Variants in LINGO1 observed in about 807,000 individuals in gnomAD.
LINGO1 encodes leucine-rich repeat and immunoglobulin-like domain-containing nogo receptor-interacting protein 1.
A neutral mutation model predicts 37.3 loss-of-function variants in LINGO1; 11 were observed. The ratio of observed to expected loss-of-function variants is 0.29; its 90% CI spans 0.19 to 0.49. The LOEUF is 0.49. Ranked by LOEUF, LINGO1 falls within the 20% of genes least tolerant of loss-of-function variation. The pLI, the probability that LINGO1 is intolerant of heterozygous loss-of-function variation, is 0.99. For missense variants in LINGO1, 585 were observed against 878.2 expected (o/e 0.67, Z 4.22); for synonymous variants, 387 against 403.0 (o/e 0.96, Z 0.48).
chr15:77,772,342 G>T (rs2076593992), intron 1 of LINGO1, among the ~76,000 whole-genome samples: 1 of 152,234 alleles, frequency 6.6e-6, no homozygotes, highest in Non-Finnish European at 1.5e-5. Context: ...AGGGCAATTT[G>T]GGGCAAGTCT....
intron 2 of LINGO1, among the ~76,000 whole-genome samples, chr15:77,687,273 CAG>C (rs2075527850): frequency 1.3e-5 from 2 of 152,108 alleles, no homozygotes; most frequent in Admixed American, 6.5e-5. Context: ...CAACTGAGGT[CAG>C]GGCTCATTGT....
At chr15:77,635,806 T>C (rs1297033059), upstream of LINGO1, among the ~76,000 whole-genome samples, 2 of 152,242 alleles carry the variant, frequency 1.3e-5, no homozygotes, top group African/African-American at 4.8e-5. Context: ...AGAGCAGATC[T>C]GAGACTGCGT....
In LINGO1 at chr15:77,632,619, C is replaced by A; in HGVS notation, c.-304G>T. The A allele has an allele frequency of 6.7e-6, 1 of 149,030 alleles. No homozygotes were observed. Among genetic ancestry groups the A allele is most frequent in the South Asian group, 1.9e-4 (1 of 5,232 alleles). 9.2% of individuals were successfully genotyped at this position (149,030 alleles called of 1,614,324 possible). On this transcript the variant is annotated 5_prime_UTR_variant, in exon 1 of 2. Transcript: ENST00000355300. This position sits in a 1 kb window ranked among gnomAD's most constrained non-coding sequence, Gnocchi z 6.0. ...GGGGCTGCGCGAGCCTGCTTCTGCC[C>A]CCTGGGCCGGCCCGGAGCCGCCGCC...
intron 3 of LINGO1, among the ~76,000 whole-genome samples, chr15:77,653,819 T>C (rs2074813904): frequency 6.7e-6 from 1 of 150,158 alleles, no homozygotes; most frequent in East Asian, 2.0e-4. Flanking sequence ...GGAGCTGGGG[T>C]GGAGGGGAAA....
rs532797363 is a variant in LINGO1, at chr15:77,716,743, G to C, written c.-195+18249C>G. ...ACTGTCCACCTCCACTACCAAGTCT[G>C]TCCTAGATGTCAGCATTTCAAACCT... On this transcript the variant is annotated intron_variant, in intron 2 of 3. Coordinates refer to the LINGO1 transcript ENST00000561686. Among the ~76,000 whole-genome samples, 5 of 150,336 alleles carry C rather than the reference G, an allele frequency of 3.3e-5. 2 individuals are homozygous for C. The East Asian group carries it at 1.1e-3, about 32-fold the overall frequency.
At chr15:77,700,157 C>T (rs576336808), upstream of LINGO1, among the ~76,000 whole-genome samples, 2 of 152,272 alleles carry the variant, frequency 1.3e-5, no homozygotes, top group East Asian at 3.9e-4. Flanking sequence ...GGCCTCCTGC[C>T]CATCAAACCT....
intron 1 of LINGO1, among the ~76,000 whole-genome samples, chr15:77,776,325 C>G (rs972895585): frequency 6.6e-6 from 1 of 152,144 alleles, no homozygotes; most frequent in Non-Finnish European, 1.5e-5. Context: ...ACCCTCCCTG[C>G]CATGCCCAGG....
chr15:77,784,389 A>C (rs1052085792), intron 1 of LINGO1, among the ~76,000 whole-genome samples: 12 of 152,252 alleles, frequency 7.9e-5, no homozygotes, highest in Non-Finnish European at 4.4e-5. Context: ...GCTTACAGGT[A>C]AGGCTGCCCT....
intron 1 of LINGO1, among the ~76,000 whole-genome samples, chr15:77,780,655 G>A (rs2076707139): frequency 6.6e-6 from 1 of 152,158 alleles, no homozygotes; most frequent in African/African-American, 2.4e-5. Flanking sequence ...AACCCCCAGT[G>A]AGACTGTATT....
At chr15:77,784,240 C>T (rs974265989) in intron 1 of LINGO1, among the ~76,000 whole-genome samples, 3 of 152,236 alleles carry the variant, frequency 2.0e-5, no homozygotes, top group Non-Finnish European at 2.9e-5. Context: ...GCACCTTCCC[C>T]ACCCTAGCCA....
At chr15:77,699,605 T>C (rs547604682), upstream of LINGO1, among the ~76,000 whole-genome samples, 1 of 143,778 alleles carries the variant, frequency 7.0e-6, no homozygotes, top group Non-Finnish European at 1.5e-5. Flanking sequence ...AGTAAACACA[T>C]ACTAACCATC....
chr15:77,792,568 G>A (rs1366344702), intron 2 of LINGO1, among the ~76,000 whole-genome samples: 3 of 152,216 alleles, frequency 2.0e-5, no homozygotes, highest in Admixed American at 1.3e-4. Context: ...CCCCTCATCC[G>A]AGAGGACTTT....
chr15:77,719,413 C>G (rs544410341), intron 2 of LINGO1, among the ~76,000 whole-genome samples: 1 of 149,972 alleles, frequency 6.7e-6, no homozygotes, highest in South Asian at 2.2e-4. Flanking sequence ...AAGATCATCC[C>G]CCGCCTCCAC....
Position 77,658,316 on chromosome 15 carries a change from G to A in LINGO1, c.-13+18773C>T, listed in dbSNP as rs1352552047. Among the ~76,000 whole-genome samples, 3 of 152,226 alleles carry A rather than the reference G, an allele frequency of 2.0e-5. No homozygotes were observed. In the East Asian group the frequency reaches 5.8e-4, roughly 29 times the overall value. ...AAGCCCACCCTTGTAGTACAGATGG[G>A]AAACTGAGGCCCAGAGAGGAGAGGA... On this transcript the variant is annotated intron_variant, in intron 3 of 3. Coordinates refer to the LINGO1 transcript ENST00000559893.
chr15:77,695,429 C>T (rs1420638176), intron 1 of LINGO1, among the ~76,000 whole-genome samples: 3 of 152,278 alleles, frequency 2.0e-5, no homozygotes, highest in South Asian at 2.1e-4. Flanking sequence ...TGGAAGCCAC[C>T]CTCCTGATCA....
chr15:77,778,402 T>C (rs913939619), intron 1 of LINGO1, among the ~76,000 whole-genome samples: 2 of 152,208 alleles, frequency 1.3e-5, no homozygotes, highest in Admixed American at 6.5e-5. Flanking sequence ...CTGGATATCA[T>C]TGAAAGCCAC....
At chr15:77,723,418 G>T (rs138811307) in intron 2 of LINGO1, among the ~76,000 whole-genome samples, 43 of 152,312 alleles carry the variant, frequency 2.8e-4, no homozygotes, top group Middle Eastern at 6.8e-3. Context: ...GATGAAGGCG[G>T]TGGATAATTA....
intron 1 of LINGO1, among the ~76,000 whole-genome samples, chr15:77,617,753 C>T (rs883669): frequency 0.72 from 109,230 of 152,200 alleles, 40,413 homozygotes; most frequent in African/African-American, 0.91. Context: ...CTCTGGTCTG[C>T]CCACAAAACC....
rs757015152 is a variant in LINGO1 at position 77,614,074 on chromosome 15, C to T, written c.1833G>A (p.Ala611=). The change falls in exon 2 of 2, where the codon GCG becomes GCA. Residue 611 remains alanine, a synonymous_variant. Transcript: ENST00000355300. ...KSDAGISSAD[A]PRKFNMKMI Reference sequence around the variant, plus strand: ...TCATCTTCATGTTGAACTTGCGGGGCGCGTCGGCGGAGCTGATGCCTGCGT... The same window carrying T: ...TCATCTTCATGTTGAACTTGCGGGGTGCGTCGGCGGAGCTGATGCCTGCGT... 18 of 1,606,648 alleles carry T rather than the reference C, an allele frequency of 1.1e-5. 1 individual carries two copies. The highest frequency in any genetic ancestry group is 3.3e-4 in the Middle Eastern group (2 of 6,076).
Sources: allele counts gnomAD v4.1 joint callset (sites outside exome capture counted in the v4.1 genomes callset), GRCh38; gene constraint gnomAD v4.1.1; non-coding constraint Gnocchi (gnomAD v3.1); transcripts MANE v1.5; gene names NCBI Gene and HGNC (gene_info 2026-07-23, HGNC 2026-07-21).